The following PRKCE variants were observed in gnomAD, a reference collection of about 807,000 sequenced individuals.
The protein encoded by PRKCE is protein kinase C epsilon, also known as protein kinase C epsilon type.
Under a neutral mutation model 85.4 loss-of-function variants are expected in PRKCE, and 16 were observed. The observed-to-expected ratio is 0.19, with a 90% CI of 0.13 to 0.28. The LOEUF (loss-of-function observed/expected upper bound fraction) is 0.28. Among genes scored for constraint, PRKCE ranks in the 10% least tolerant of loss-of-function variants. The pLI is 1.00. For missense variants in PRKCE, 573 were observed against 975.2 expected (o/e 0.59, Z 5.49); for synonymous variants, 388 against 371.5 (o/e 1.04, Z -0.51).
intron 12 of PRKCE, among the ~76,000 whole-genome samples, chr2:46,147,896 T>C (rs1385767586): frequency 6.6e-6 from 1 of 152,138 alleles, no homozygotes; most frequent in African/African-American, 2.4e-5. Context: ...TGTTTTTGAG[T>C]CTCAGGTTTC....
At chr2:45,968,395 A>C (rs1701877025) in intron 2 of PRKCE, among the ~76,000 whole-genome samples, 1 of 152,230 alleles carries the variant, frequency 6.6e-6, no homozygotes, top group Admixed American at 6.5e-5. Flanking sequence ...CAAAGACTGC[A>C]TGTTCTCACT....
At chr2:45,678,739 C>G (rs768444767) in intron 1 of PRKCE, among the ~76,000 whole-genome samples, 11 of 151,662 alleles carry the variant, frequency 7.3e-5, no homozygotes, top group Non-Finnish European at 1.2e-4. Flanking sequence ...TCGATGGACT[C>G]TGATTTCATA....
chr2:45,957,053 G>A (rs935774235), intron 2 of PRKCE, among the ~76,000 whole-genome samples: 2 of 152,142 alleles, frequency 1.3e-5, no homozygotes, highest in Admixed American at 6.5e-5. Flanking sequence ...TACCAGATGT[G>A]TGATTTGCAA....
chr2:45,931,830 C>G (rs1473984958), intron 2 of PRKCE, among the ~76,000 whole-genome samples: 1 of 152,140 alleles, frequency 6.6e-6, no homozygotes, highest in African/African-American at 2.4e-5. Flanking sequence ...CCTCAGCCTC[C>G]TCAATAGCTG....
intron 1 of PRKCE, among the ~76,000 whole-genome samples, chr2:45,829,934 G>A (rs934535746): frequency 1.1e-4 from 16 of 151,574 alleles, no homozygotes; most frequent in Admixed American, 6.6e-4. Flanking sequence ...TTAGCCGGGC[G>A]TGGTAGCGGG....
rs1573584910 is a variant in PRKCE at position 45,845,733 on chromosome 2, T to C, written c.412+2670T>C. On this transcript the variant is annotated intron_variant, in intron 2 of 14. Coordinates refer to ENST00000306156, the MANE Select transcript of PRKCE (RefSeq NM_005400.3). Reference sequence around the variant, plus strand: ...AGCTGGAGCTAATGTGATTTCTAACTGTCTAATAAAATTCCACTGCTTGCA... The same window carrying C: ...AGCTGGAGCTAATGTGATTTCTAACCGTCTAATAAAATTCCACTGCTTGCA... 3 of 152,208 alleles carry C rather than the reference T, an allele frequency of 2.0e-5. No homozygotes were observed. In the South Asian group the frequency reaches 6.2e-4, roughly 32 times the overall value. The allele number at this position is 152,208 out of a possible 1,614,324, so 9.4% of individuals were successfully genotyped here.
rs148697821 is a variant in PRKCE, at chr2:45,907,295, A to G, written c.412+64232A>G. Among the ~76,000 whole-genome samples the G allele has an allele frequency of 6.6e-6, 1 of 152,206 alleles. No individual in the cohort carries two copies. Among genetic ancestry groups the G allele is most frequent in the Non-Finnish European group, 1.5e-5 (1 of 68,030 alleles). On this transcript the variant is annotated intron_variant, in intron 2 of 14. Transcript: ENST00000306156. The surrounding 1 kb of genome is among the most constrained non-coding windows in gnomAD (Gnocchi z 4.5). ...AAAGGAAAAAATAAATCAGCCCCCT[A>G]TTGAGTGACTTTCAGGAATGAGAGG... is the stretch of plus-strand genomic sequence containing the variant.
chr2:46,000,438 A>T (rs1459442945), intron 6 of PRKCE, among the ~76,000 whole-genome samples: 1 of 135,166 alleles, frequency 7.4e-6, no homozygotes, highest in African/African-American at 2.9e-5. Context: ...TCGGGGTCTG[A>T]TAAAACCTCA....
At chr2:45,727,946 C>T (rs1681226613) in intron 1 of PRKCE, among the ~76,000 whole-genome samples, 1 of 152,158 alleles carries the variant, frequency 6.6e-6, no homozygotes, top group Non-Finnish European at 1.5e-5. Flanking sequence ...AGCCACCGGG[C>T]CCAGCCAGGG....
At chr2:46,003,820 T>C (rs906719035) in intron 7 of PRKCE, 3 of 152,362 alleles carry the variant, frequency 2.0e-5, no homozygotes, top group African/African-American at 4.8e-5. Context: ...TTCCCTTAAA[T>C]TGGCAAATGA....
At chr2:45,721,524 T>C (rs570042981) in intron 1 of PRKCE, among the ~76,000 whole-genome samples, 2 of 152,206 alleles carry the variant, frequency 1.3e-5, no homozygotes, top group South Asian at 2.1e-4. Context: ...TCCTGAATGA[T>C]AGATAGGGTC....
Position 46,105,449 on chromosome 2 carries a change from C to CT in PRKCE, c.1592+19102dup, listed in dbSNP as rs35214817. 2.0e-3 allele frequency among the ~76,000 whole-genome samples: 280 copies of CT among 143,298 alleles called. No homozygotes were observed. In the Middle Eastern group the frequency reaches 0.021, roughly 11 times the overall value. The allele number at this position is 143,298 out of a possible 152,430, so 94.0% of individuals were successfully genotyped here. A position where few individuals can be genotyped will look rare whatever the true frequency, so the allele number is the denominator to read the frequency against. On this transcript the variant is annotated intron_variant, in intron 11 of 14. Transcript: ENST00000306156. ...ACTTCACAAATTATCTTTATCTTTC[C>CT]TTTTTTTTTTTTTTTCACAATAGTG...
At chr2:45,953,804 C>G (rs940675014) in intron 2 of PRKCE, among the ~76,000 whole-genome samples, 14 of 152,264 alleles carry the variant, frequency 9.2e-5, no homozygotes, top group African/African-American at 3.4e-4. Flanking sequence ...TCAGCACTCT[C>G]CAGGTGAGTT....
At chr2:45,881,181 G>T (rs1432143919) in intron 2 of PRKCE, among the ~76,000 whole-genome samples, 1 of 151,854 alleles carries the variant, frequency 6.6e-6, no homozygotes, top group Non-Finnish European at 1.5e-5. Context: ...AGATTTCAGG[G>T]TGTATTTGCC....
At chr2:45,669,185 C>T (rs984262260) in intron 1 of PRKCE, among the ~76,000 whole-genome samples, 1 of 152,120 alleles carries the variant, frequency 6.6e-6, no homozygotes, top group African/African-American at 2.4e-5. Flanking sequence ...CACTGCTTAT[C>T]ATATGACTGT....
At chr2:45,691,893 T>G (rs1677756968) in intron 1 of PRKCE, among the ~76,000 whole-genome samples, 1 of 152,208 alleles carries the variant, frequency 6.6e-6, no homozygotes, top group Non-Finnish European at 1.5e-5. Flanking sequence ...TACAGGTGGC[T>G]TAGAACTCAG....
At chr2:45,691,765 G>A (rs1269763947) in intron 1 of PRKCE, among the ~76,000 whole-genome samples, 1 of 152,188 alleles carries the variant, frequency 6.6e-6, no homozygotes, top group East Asian at 1.9e-4. Flanking sequence ...CTGTGCTAAT[G>A]AGTACAAGGT....
intron 1 of PRKCE, among the ~76,000 whole-genome samples, chr2:45,662,810 T>G (rs1313056534): frequency 6.6e-6 from 1 of 152,136 alleles, no homozygotes; most frequent in Non-Finnish European, 1.5e-5. Context: ...AATTTAATTC[T>G]TAAATGGAGC....
At chr2:45,920,210 G>A (rs1296777899) in intron 2 of PRKCE, among the ~76,000 whole-genome samples, 2 of 152,214 alleles carry the variant, frequency 1.3e-5, no homozygotes, top group Admixed American at 6.5e-5. Flanking sequence ...GTCTAATGGA[G>A]GAAAACAAAG....
Sources: allele counts gnomAD v4.1 joint callset (sites outside exome capture counted in the v4.1 genomes callset), GRCh38; gene constraint gnomAD v4.1.1; non-coding constraint Gnocchi (gnomAD v3.1); transcripts MANE v1.5; gene names NCBI Gene and HGNC (gene_info 2026-07-23, HGNC 2026-07-21).